MPRIP: variants seen among roughly 807,000 people sequenced by gnomAD.
MPRIP encodes the protein myosin phosphatase Rho-interacting protein.
In MPRIP, 59 loss-of-function variants were observed where a neutral mutation model predicts 234.9. The ratio of observed to expected loss-of-function variants is 0.25; its 90% CI spans 0.20 to 0.31. The LOEUF (loss-of-function observed/expected upper bound fraction) is 0.31, where lower values mean the gene tolerates loss of function less well. Ranked by LOEUF, MPRIP falls within the 10% of genes least tolerant of loss-of-function variation. The pLI is 1.00. For synonymous variants in MPRIP, 1,144 were observed against 1,263.9 expected, an observed-to-expected ratio of 0.91 and a Z score of 2.01; for missense variants, 2,436 against 3,071.0, an observed-to-expected ratio of 0.79 and a Z score of 4.89.
At chr17:17,136,803 G>A (rs1299200480) in intron 6 of MPRIP, among the ~76,000 whole-genome samples, 1 of 152,200 alleles carries the variant, frequency 6.6e-6, no homozygotes, top group Non-Finnish European at 1.5e-5. Flanking sequence ...TGTGCATCCT[G>A]CCCCAAGAAG....
chr17:17,117,325 C>T (rs1356140296), intron 3 of MPRIP, among the ~76,000 whole-genome samples: 1 of 152,194 alleles, frequency 6.6e-6, no homozygotes, highest in East Asian at 1.9e-4. Flanking sequence ...TAGATTATCA[C>T]CCCAAAGGGA....
chr17:17,113,880 C>CTTTTTTTT (rs1236846171), intron 3 of MPRIP, among the ~76,000 whole-genome samples: 20 of 93,210 alleles, frequency 2.1e-4, no homozygotes, highest in African/African-American at 5.8e-4. Flanking sequence ...CTTTTCTTTT[C>CTTTTTTTT]TTTTCTTTTT....
At chr17:17,133,528 C>T (rs138284541) in intron 5 of MPRIP, among the ~76,000 whole-genome samples, 2,147 of 152,280 alleles carry the variant, frequency 0.014, 31 homozygotes, top group Middle Eastern at 0.037. Context: ...CCTGGAGAGG[C>T]GAGAACCCAA....
intron 12 of MPRIP, among the ~76,000 whole-genome samples, chr17:17,152,836 G>A (rs2045631999): frequency 6.6e-6 from 1 of 152,214 alleles, no homozygotes; most frequent in African/African-American, 2.4e-5. Flanking sequence ...GCACCTGGGA[G>A]GAAGAGGTGA....
chr17:17,137,502 G>C lies in MPRIP; in HGVS notation c.737-414G>C, dbSNP rs2090725341. On this transcript the variant is annotated intron_variant, in intron 6 of 23. Transcript: ENST00000651222. ...GCACTCTAGCCTGGCGACAGAGCGA[G>C]ATTGCATCTCAAAAAAAAAAAAAAA... 2.4e-5 allele frequency among the ~76,000 whole-genome samples: 3 copies of C among 126,902 alleles called. No individual in the cohort carries two copies. In the Admixed American group the frequency reaches 2.7e-4, roughly 11 times the overall value. The allele number at this position is 126,902 out of a possible 152,430, so 83.3% of individuals were successfully genotyped here.
chr17:17,107,002 G>A (rs1195287666), intron 3 of MPRIP, among the ~76,000 whole-genome samples: 1 of 152,166 alleles, frequency 6.6e-6, no homozygotes, highest in East Asian at 1.9e-4. Flanking sequence ...TATTGGGTGG[G>A]GAAGTCTTTG....
chr17:17,178,496 A>C (rs1402343778), intron 22 of MPRIP: 4 of 150,038 alleles, frequency 2.7e-5, no homozygotes, highest in African/African-American at 4.9e-5. Context: ...GCAGTCACAC[A>C]CAAAGCTAAG....
In MPRIP at chr17:17,190,095, G is replaced by C. The variant is rs1368376525; in HGVS notation, c.*5201G>C. 1 of 152,250 alleles carries C rather than the reference G, an allele frequency of 6.6e-6. No homozygotes were observed. Among genetic ancestry groups the C allele is most frequent in the Non-Finnish European group, 1.5e-5 (1 of 68,056 alleles). The allele number at this position is 152,250 out of a possible 1,614,324, so 9.4% of individuals were successfully genotyped here. ...GCGTCTCCAGTAGGTAATAGCAGCT[G>C]AACGTGGGTTTTCCACGGACTTCAG... On this transcript the variant is annotated 3_prime_UTR_variant, in exon 24 of 24. Transcript: ENST00000651222.
chr17:17,109,479 CAGGCA>C (rs961000982), intron 3 of MPRIP, among the ~76,000 whole-genome samples: 18 of 152,168 alleles, frequency 1.2e-4, no homozygotes, highest in Non-Finnish European at 2.6e-4. Flanking sequence ...AAGGAACAGG[CAGGCA>C]AGGGAAGGAG....
chr17:17,183,362 C>G (rs2144723549), intron 23 of MPRIP: 1 of 152,400 alleles, frequency 6.6e-6, no homozygotes, highest in South Asian at 2.1e-4. Flanking sequence ...ACTACAGGCG[C>G]CTGCCACCAC....
intron 3 of MPRIP, among the ~76,000 whole-genome samples, chr17:17,087,217 G>A (rs2089611163): frequency 6.6e-6 from 1 of 152,164 alleles, no homozygotes; most frequent in African/African-American, 2.4e-5. Context: ...TTGTAGTGAG[G>A]AAGCTTAGCT....
At chr17:17,049,927 G>A (rs918451567) in intron 1 of MPRIP, among the ~76,000 whole-genome samples, 1 of 152,228 alleles carries the variant, frequency 6.6e-6, no homozygotes, top group African/African-American at 2.4e-5. Context: ...AGTGGCTCAC[G>A]CCTGTAATTT....
In MPRIP at chr17:17,187,673, CCTCT is replaced by C. The variant is rs1271134116; in HGVS notation, c.*2783_*2786del. The C allele has an allele frequency of 1.3e-5, 2 of 152,394 alleles. No individual in the cohort carries two copies. The highest frequency in any genetic ancestry group is 2.9e-5 in the Non-Finnish European group (2 of 68,098). The allele number at this position is 152,394 out of a possible 1,614,324, so 9.4% of individuals were successfully genotyped here. ...AGCCTTGTGCTGCACAGGGCTGGGC[CCTCT>C]CTCCAGTTTCCTTCCTGCAGGCATC... On this transcript the variant is annotated 3_prime_UTR_variant, in exon 24 of 24. Transcript: ENST00000651222.
At chr17:17,045,635 C>T (rs1440216920) in intron 1 of MPRIP, among the ~76,000 whole-genome samples, 1 of 152,130 alleles carries the variant, frequency 6.6e-6, no homozygotes. Context: ...AGAATGCTGG[C>T]TTGGAGCAGT....
chr17:17,126,659 C>T, intron 3 of MPRIP, 43 bp from the exon 4 acceptor site: 1 of 1,582,026 alleles, frequency 6.3e-7, no homozygotes, highest in South Asian at 1.2e-5. Flanking sequence ...ATCTGTGGCC[C>T]CATTGGCTGG....
chr17:17,082,799 A>G (rs1169054650), intron 3 of MPRIP, among the ~76,000 whole-genome samples: 2 of 152,140 alleles, frequency 1.3e-5, no homozygotes, highest in Admixed American at 6.5e-5. Flanking sequence ...GGAAACCCCC[A>G]TGCTATTCTC....
chr17:17,181,174 G>A (rs1480572073), intron 23 of MPRIP, among the ~76,000 whole-genome samples: 1 of 151,772 alleles, frequency 6.6e-6, no homozygotes, highest in Admixed American at 6.6e-5. Flanking sequence ...ACAAGCAATA[G>A]GGGCGAAATA....
intron 3 of MPRIP, among the ~76,000 whole-genome samples, chr17:17,123,072 G>A (rs763347558): frequency 2.6e-5 from 4 of 152,202 alleles, no homozygotes; most frequent in African/African-American, 9.7e-5. Context: ...GCTGCAATGC[G>A]GAGGAACCTT....
Position 17,057,527 on chromosome 17 carries a change from C to G in MPRIP, c.123+14556C>G, listed in dbSNP as rs1042933056. ...CTGGGAGCTGCTGGCAGAGGGCCCA[C>G]AGAGCCCCACAGTGGTCCCCAGAGG... On this transcript the variant is annotated intron_variant, in intron 1 of 23. Transcript: ENST00000651222. 1.9e-5 allele frequency: 13 copies of G among 700,978 alleles called. No individual in the cohort carries two copies. The South Asian group carries it at 2.0e-4, about 11-fold the overall frequency. 43.4% of individuals were successfully genotyped at this position (700,978 alleles called of 1,614,324 possible).
Sources: allele counts gnomAD v4.1 joint callset (sites outside exome capture counted in the v4.1 genomes callset), GRCh38; gene constraint gnomAD v4.1.1; transcripts MANE v1.5; gene names NCBI Gene and HGNC (gene_info 2026-07-23, HGNC 2026-07-21).